Variants in STPG2 observed in about 807,000 individuals in gnomAD.
STPG2 encodes sperm tail PG-rich repeat containing 2.
A neutral mutation model predicts 54.2 loss-of-function variants in STPG2; 56 were observed. That is an observed-to-expected ratio of 1.03 (90% CI 0.83 to 1.29). The LOEUF is 1.29. STPG2 is among the 50% of genes most tolerant of loss of function. The pLI is 0.00. For synonymous variants in STPG2, 200 were observed against 181.8 expected, an observed-to-expected ratio of 1.10 and a Z score of -0.81; for missense variants, 596 against 544.9, an observed-to-expected ratio of 1.09 and a Z score of -0.93.
chr4:97,752,500 T>C, intron 9 of STPG2, among the ~76,000 whole-genome samples: 1 of 151,800 alleles, frequency 6.6e-6, no homozygotes, highest in South Asian at 2.1e-4. Context: ...CTCATATAAC[T>C]GTCCTCAAAT....
At chr4:97,509,384 C>T (rs574774435) in intron 4 of STPG2, among the ~76,000 whole-genome samples, 5 of 152,120 alleles carry the variant, frequency 3.3e-5, no homozygotes, top group Non-Finnish European at 4.4e-5. Flanking sequence ...TGACAACTGA[C>T]GTTCTAAATT....
chr4:97,817,957 T>C (rs1017179479), intron 9 of STPG2, among the ~76,000 whole-genome samples: 3 of 151,864 alleles, frequency 2.0e-5, no homozygotes, highest in Non-Finnish European at 4.4e-5. Flanking sequence ...CTCAGAGTCA[T>C]CCTTCCTTTT....
intron 8 of STPG2, among the ~76,000 whole-genome samples, chr4:97,931,417 C>A (rs951152397): frequency 6.6e-6 from 1 of 152,076 alleles, no homozygotes. Context: ...TTATCAGAAG[C>A]CTTTCTGAAG....
At chr4:97,894,978 C>G (rs1730904810) in intron 8 of STPG2, among the ~76,000 whole-genome samples, 1 of 151,886 alleles carries the variant, frequency 6.6e-6, no homozygotes, top group African/African-American at 2.4e-5. Flanking sequence ...CAACCACTCT[C>G]TAAAGTTTTT....
intron 8 of STPG2, among the ~76,000 whole-genome samples, chr4:97,874,452 A>G (rs1441343520): frequency 2.0e-5 from 3 of 151,746 alleles, no homozygotes; most frequent in Non-Finnish European, 3.0e-5. Context: ...AATCACAACA[A>G]TCAAACAATA....
intron 7 of STPG2, among the ~76,000 whole-genome samples, chr4:97,960,402 T>C (rs1039864423): frequency 1.3e-5 from 2 of 152,012 alleles, no homozygotes; most frequent in Middle Eastern, 3.4e-3. Flanking sequence ...AAAGAGAAAA[T>C]AAAACTGTCA....
intron 8 of STPG2, among the ~76,000 whole-genome samples, chr4:97,942,553 A>G (rs1029587090): frequency 1.4e-4 from 21 of 152,146 alleles, no homozygotes; most frequent in Admixed American, 7.2e-4. Context: ...GATTTTGACT[A>G]CATCTCAGAT....
intron 10 of STPG2, among the ~76,000 whole-genome samples, chr4:97,590,317 G>A (rs968011017): frequency 2.0e-5 from 3 of 151,868 alleles, no homozygotes; most frequent in Non-Finnish European, 2.9e-5. Context: ...AAAGACTTAC[G>A]AACAGAAGCA....
intron 5 of STPG2, among the ~76,000 whole-genome samples, chr4:98,018,643 A>C (rs1250652489): frequency 6.6e-6 from 1 of 151,844 alleles, no homozygotes; most frequent in Non-Finnish European, 1.5e-5. Context: ...AACAGTGTAA[A>C]AGTGTTCCTA....
At chr4:97,533,243 T>C (rs1404685790) in intron 4 of STPG2, among the ~76,000 whole-genome samples, 2 of 152,098 alleles carry the variant, frequency 1.3e-5, no homozygotes, top group African/African-American at 2.4e-5. Context: ...AAAAAGCACA[T>C]GTTAGGGACT....
At chr4:97,680,959 A>T (rs1171333970) in intron 10 of STPG2, among the ~76,000 whole-genome samples, 1 of 152,008 alleles carries the variant, frequency 6.6e-6, no homozygotes, top group African/African-American at 2.4e-5. Context: ...TTTACCATAT[A>T]AAGTTCTAAT....
intron 5 of STPG2, among the ~76,000 whole-genome samples, chr4:98,018,063 C>T (rs1736027349): frequency 6.6e-6 from 1 of 151,800 alleles, no homozygotes; most frequent in Non-Finnish European, 1.5e-5. Flanking sequence ...TACATGTGCA[C>T]AATGTGCAGG....
At chr4:97,603,728 A>C (rs1020059145) in intron 10 of STPG2, among the ~76,000 whole-genome samples, 2 of 151,726 alleles carry the variant, frequency 1.3e-5, no homozygotes, top group Non-Finnish European at 3.0e-5. Context: ...AAAATAAGTC[A>C]GTCACAAAAA....
chr4:97,623,688 A>T (rs1484495043), intron 10 of STPG2, among the ~76,000 whole-genome samples: 1 of 152,144 alleles, frequency 6.6e-6, no homozygotes, highest in East Asian at 1.9e-4. Flanking sequence ...GGTTTGTTAC[A>T]TAGGTAAAAA....
intron 6 of STPG2, among the ~76,000 whole-genome samples, chr4:97,979,609 G>A (rs1295169631): frequency 6.6e-6 from 1 of 152,162 alleles, no homozygotes; most frequent in Non-Finnish European, 1.5e-5. Context: ...ACCCGGGGCT[G>A]GGAGTTGTGG....
intron 9 of STPG2, among the ~76,000 whole-genome samples, chr4:97,768,764 C>T (rs759997548): frequency 1.3e-5 from 2 of 151,726 alleles, no homozygotes; most frequent in Non-Finnish European, 2.9e-5. Context: ...TGTAGTGGCA[C>T]GATCTCAGCT....
intron 7 of STPG2, among the ~76,000 whole-genome samples, chr4:97,957,203 TATTC>T (rs1316039424): frequency 1.7e-5 from 2 of 117,488 alleles, no homozygotes; most frequent in Non-Finnish European, 3.8e-5. Context: ...AAGGAAGAAA[TATTC>T]AATGAAATAA....
At chr4:97,968,658 T>C (rs1167409995) in intron 7 of STPG2, among the ~76,000 whole-genome samples, 2 of 151,940 alleles carry the variant, frequency 1.3e-5, no homozygotes, top group African/African-American at 2.4e-5. Flanking sequence ...ACATAATCCA[T>C]CACATAAACA....
chr4:97,510,884 C>T (rs1440885550), intron 4 of STPG2, among the ~76,000 whole-genome samples: 1 of 152,140 alleles, frequency 6.6e-6, no homozygotes, highest in Non-Finnish European at 1.5e-5. Flanking sequence ...GGGAGGATAG[C>T]TTGAGCCCAG....
Sources: allele counts gnomAD v4.1 joint callset (sites outside exome capture counted in the v4.1 genomes callset), GRCh38; gene constraint gnomAD v4.1.1; transcripts MANE v1.5; gene names NCBI Gene and HGNC (gene_info 2026-07-23, HGNC 2026-07-21).